NIPAL2: variants seen among roughly 807,000 people sequenced by gnomAD.
NIPAL2 encodes the protein NIPA-like protein 2.
Under a neutral mutation model 48.9 loss-of-function variants are expected in NIPAL2, and 43 were observed. The observed-to-expected ratio is 0.88, with a 90% confidence interval of 0.69 to 1.13. The LOEUF is 1.13. NIPAL2 is among the 50% of genes most tolerant of loss of function. The pLI is 0.00. For missense variants in NIPAL2, 446 were observed against 461.4 expected (o/e 0.97, Z 0.31); for synonymous variants, 167 against 174.6 (o/e 0.96, Z 0.34).
intron 1 of NIPAL2, among the ~76,000 whole-genome samples, chr8:98,288,874 C>G (rs1472509304): frequency 6.6e-6 from 1 of 152,106 alleles, no homozygotes; most frequent in Non-Finnish European, 1.5e-5. Flanking sequence ...CCACACAAAC[C>G]CTCCCTTTCC....
At chr8:98,214,923 A>G (rs1811501120) in intron 5 of NIPAL2, among the ~76,000 whole-genome samples, 1 of 152,222 alleles carries the variant, frequency 6.6e-6, no homozygotes, top group African/African-American at 2.4e-5. Flanking sequence ...AACAGCCATC[A>G]AAACATTGGG....
intron 8 of NIPAL2, among the ~76,000 whole-genome samples, chr8:98,200,771 C>T (rs532297842): frequency 2.1e-4 from 32 of 152,326 alleles, no homozygotes; most frequent in African/African-American, 7.2e-4. Flanking sequence ...TGATCCACAT[C>T]CTCACCACCA....
chr8:98,291,480 G>A (rs181380568), intron 1 of NIPAL2, among the ~76,000 whole-genome samples: 2 of 152,024 alleles, frequency 1.3e-5, no homozygotes, highest in African/African-American at 4.8e-5. Context: ...AATTTCCATG[G>A]GACTTTATAT....
intron 5 of NIPAL2, among the ~76,000 whole-genome samples, chr8:98,220,869 G>A (rs566397379): frequency 2.0e-5 from 3 of 149,510 alleles, no homozygotes; most frequent in East Asian, 2.0e-4. Context: ...CAGCCCTTTC[G>A]ATCATATTCT....
Position 98,203,051 on chromosome 8 carries a change from C to T in NIPAL2, c.880+57G>A, listed in dbSNP as rs559321202. 3.6e-5 allele frequency: 47 copies of T among 1,319,010 alleles called. No individual in the cohort carries two copies. The Admixed American group carries it at 7.7e-4, about 22-fold the overall frequency. 81.7% of individuals were successfully genotyped at this position (1,319,010 alleles called of 1,614,324 possible). A position where few individuals can be genotyped will look rare whatever the true frequency, so the allele number is the denominator to read the frequency against. On this transcript the variant is annotated intron_variant, in intron 8 of 10. Transcript: ENST00000430223. ...AGATTTCTGGATTCTCTCATTTACT[C>T]TGGGAGAAACTTCATTTATGCTTGG...
chr8:98,284,129 C>T (rs1816013189), intron 1 of NIPAL2, among the ~76,000 whole-genome samples: 1 of 152,130 alleles, frequency 6.6e-6, no homozygotes, highest in Admixed American at 6.6e-5. Flanking sequence ...CCCAACACAG[C>T]TCATGGTCAA....
intron 8 of NIPAL2, among the ~76,000 whole-genome samples, chr8:98,197,555 A>G (rs1586287854): frequency 6.6e-6 from 1 of 152,236 alleles, no homozygotes; most frequent in East Asian, 1.9e-4. Context: ...GTTTGACAGC[A>G]TTTGACTTGC....
rs1298415125 is a variant in NIPAL2 at position 98,224,758 on chromosome 8, T to TTC, written c.437-2159_437-2158insGA. 1.9e-3 allele frequency among the ~76,000 whole-genome samples: 262 copies of TTC among 137,808 alleles called. 3 individuals are homozygous for TTC. Among genetic ancestry groups the TTC allele is most frequent in the Non-Finnish European group, 2.1e-3 (139 of 65,990 alleles). The allele number at this position is 137,808 out of a possible 152,430, so 90.4% of individuals were successfully genotyped here. A position where few individuals can be genotyped will look rare whatever the true frequency, so the allele number is the denominator to read the frequency against. ...TTATACTTTCTTTCTTTCTTTTCTT[T>TTC]TTTTTTTTTTTTTTTGTTGAAACAG... On this transcript the variant is annotated intron_variant, in intron 4 of 10. Transcript: ENST00000430223.
chr8:98,234,052 C>A (rs1812584752), intron 4 of NIPAL2, among the ~76,000 whole-genome samples: 1 of 152,020 alleles, frequency 6.6e-6, no homozygotes, highest in African/African-American at 2.4e-5. Context: ...TGTTTGGAGA[C>A]ATTTTTGGTT....
Position 98,246,187 on chromosome 8 carries a change from TC to T in NIPAL2, c.376+6275del, listed in dbSNP as rs1813298088. The stretch of plus-strand genomic sequence containing the variant: ...CTCCTTGACATGATTTCTTTGGAAT[TC>T]CAAAAGGCCTCACCAGGGCTTCCTG... On this transcript the variant is annotated intron_variant, in intron 3 of 10. Transcript: ENST00000430223. Among the ~76,000 whole-genome samples, 2 of 152,208 alleles carry T rather than the reference TC, an allele frequency of 1.3e-5. 1 individual carries two copies. The highest frequency in any genetic ancestry group is 2.9e-5 in the Non-Finnish European group (2 of 68,044).
chr8:98,253,995 TAGA>T lies in NIPAL2; in HGVS notation c.204+21_204+23del, dbSNP rs1486015508. 5 of 1,540,028 alleles carry T rather than the reference TAGA, an allele frequency of 3.2e-6. No homozygotes were observed. The Admixed American group carries it at 8.4e-5, about 26-fold the overall frequency. The stretch of plus-strand genomic sequence containing the variant: ...GTGTCCCTGGATCAATCTATAGTGT[TAGA>T]AAAATAAGCTTTTTTCTTACCTGAA... On this transcript the variant is annotated intron_variant, in intron 2 of 10. Coordinates refer to ENST00000430223, the MANE Select transcript of NIPAL2 (RefSeq NM_001321635.2).
At chr8:98,202,750 C>A (rs1015452047) in intron 8 of NIPAL2, among the ~76,000 whole-genome samples, 1 of 152,150 alleles carries the variant, frequency 6.6e-6, no homozygotes, top group African/African-American at 2.4e-5. Context: ...TCCTTTATAG[C>A]AACACAAAAT....
intron 4 of NIPAL2, among the ~76,000 whole-genome samples, chr8:98,224,340 T>G (rs1354780934): frequency 6.6e-6 from 1 of 152,222 alleles, no homozygotes; most frequent in Admixed American, 6.5e-5. Context: ...CATGAGGTTT[T>G]TTTTTACATA....
intron 1 of NIPAL2, among the ~76,000 whole-genome samples, chr8:98,269,091 G>T (rs1485154791): frequency 6.6e-6 from 1 of 152,160 alleles, no homozygotes; most frequent in Non-Finnish European, 1.5e-5. Context: ...TCCACTTCTA[G>T]TTCTCCTGCT....
intron 1 of NIPAL2, among the ~76,000 whole-genome samples, chr8:98,284,580 T>C (rs1816050237): frequency 6.6e-6 from 1 of 152,148 alleles, no homozygotes; most frequent in African/African-American, 2.4e-5. Flanking sequence ...GTTGGTTACA[T>C]TTTGGACCCT....
chr8:98,193,659 A>C (rs1810401649), intron 10 of NIPAL2, among the ~76,000 whole-genome samples: 1 of 152,070 alleles, frequency 6.6e-6, no homozygotes, highest in South Asian at 2.1e-4. Context: ...CCTCTGCTAA[A>C]AATACAAAAA....
chr8:98,209,764 G>A (rs1241007923), intron 6 of NIPAL2, among the ~76,000 whole-genome samples: 1 of 151,824 alleles, frequency 6.6e-6, no homozygotes, highest in Non-Finnish European at 1.5e-5. Flanking sequence ...TCCCATTTTG[G>A]GAGGTGAGTC....
At position 98,252,589 on chromosome 8, in the gene NIPAL2, A is replaced by G; in HGVS notation, c.250T>C (p.Tyr84His). The G allele has an allele frequency of 6.2e-7, 1 of 1,613,754 alleles. No individual in the cohort carries two copies. Among genetic ancestry groups the G allele is most frequent in the Non-Finnish European group, 8.5e-7 (1 of 1,179,922 alleles). The stretch of plus-strand genomic sequence containing the variant: ...CCCCACCACAGCACACTCTTGAAGT[A>G]TGGCCTTGGGTGCTCTTGTTGTGCC... ...QLAQQEHPRP[Y>H]FKSVLWWGGV... Residue 84 changes from tyrosine (Y) to histidine (H), a missense_variant, in exon 3 of 11, where the codon TAC (tyrosine) becomes CAC (histidine). Tyr to His is a moderately conservative substitution (Grantham distance 83). Transcript: ENST00000430223.
At chr8:98,249,549 T>G (rs1011038968) in intron 3 of NIPAL2, among the ~76,000 whole-genome samples, 2 of 149,964 alleles carry the variant, frequency 1.3e-5, no homozygotes, top group African/African-American at 4.9e-5. Flanking sequence ...ACATGTATAC[T>G]TTAATTGAAC....
Sources: gnomAD v4.1 joint callset for allele counts (sites outside exome capture counted in the v4.1 genomes callset) on GRCh38, gnomAD v4.1.1 for gene constraint, MANE v1.5 for transcripts, NCBI Gene and HGNC (gene_info 2026-07-23, HGNC 2026-07-21) for gene names.